TMEM74: variants seen among roughly 807,000 people sequenced by gnomAD.
TMEM74 encodes the protein transmembrane protein 74.
Under a neutral mutation model 18.1 loss-of-function variants are expected in TMEM74, and 13 were observed. That is an observed-to-expected ratio of 0.72 (90% CI 0.47 to 1.14). The LOEUF is 1.14. Among genes scored for constraint, TMEM74 ranks in the 50% most tolerant of loss-of-function variants. The probability of loss-of-function intolerance (pLI) is 0.00; values close to 1 mark genes in which losing one functional copy is unlikely to be tolerated. For missense variants in TMEM74, 372 were observed against 375.9 expected, an observed-to-expected ratio of 0.99 and a Z score of 0.09; for synonymous variants, 159 against 146.6, an observed-to-expected ratio of 1.08 and a Z score of -0.61.
At chr8:108,713,998 G>GACAGATCA (rs1303469786) in intron 1 of TMEM74, among the ~76,000 whole-genome samples, 4 of 152,234 alleles carry the variant, frequency 2.6e-5, no homozygotes, top group East Asian at 3.9e-4. Context: ...AGCTGCAGCA[G>GACAGATCA]ACAGATCAAC....
chr8:108,695,812 A>T (rs1350510880), intron 1 of TMEM74, among the ~76,000 whole-genome samples: 1 of 152,130 alleles, frequency 6.6e-6, no homozygotes, highest in African/African-American at 2.4e-5. Flanking sequence ...TATATAGATG[A>T]CCCAGCTGTG....
intron 2 of TMEM74, among the ~76,000 whole-genome samples, chr8:108,624,204 T>C (rs1812471168): frequency 6.6e-6 from 1 of 152,100 alleles, no homozygotes; most frequent in Admixed American, 6.6e-5. Flanking sequence ...TGTCTGTGTA[T>C]GTAAGGGAAC....
intron 2 of TMEM74, among the ~76,000 whole-genome samples, chr8:108,641,055 A>T (rs185609440): frequency 6.6e-6 from 1 of 152,254 alleles, no homozygotes; most frequent in Admixed American, 6.5e-5. Flanking sequence ...AAACAATCAA[A>T]GCCTGGTTAT....
At chr8:108,631,722 A>G (rs949827582) in intron 2 of TMEM74, among the ~76,000 whole-genome samples, 5 of 151,882 alleles carry the variant, frequency 3.3e-5, no homozygotes, top group Non-Finnish European at 7.4e-5. Flanking sequence ...TTAGGTTCCC[A>G]TTTGTCAACT....
rs1812895279 is a variant in TMEM74, at chr8:108,661,073, GA to G, written n.120-5637del. ...CTCATATGGTTAAATTTAGGGACCT[GA>G]AAAAAATTCCACCTAACCATCTCCT... is the stretch of plus-strand genomic sequence containing the variant. On this transcript the variant is annotated intron_variant and non_coding_transcript_variant, in intron 1 of 3. Coordinates refer to the TMEM74 transcript ENST00000518838. Among the ~76,000 whole-genome samples the G allele has an allele frequency of 3.3e-5, 5 of 151,982 alleles. No homozygotes were observed. In the South Asian group the frequency reaches 8.3e-4, roughly 25 times the overall value.
At chr8:108,705,632 G>T (rs1813389435) in intron 1 of TMEM74, among the ~76,000 whole-genome samples, 1 of 152,120 alleles carries the variant, frequency 6.6e-6, no homozygotes, top group African/African-American at 2.4e-5. Context: ...TCAAGCAGAT[G>T]TAGATGCCCT....
chr8:108,691,934 A>G (rs1320399060), intron 1 of TMEM74, among the ~76,000 whole-genome samples: 6 of 152,072 alleles, frequency 3.9e-5, no homozygotes, highest in Non-Finnish European at 7.4e-5. Context: ...TTTTTTTAAA[A>G]CTCTCAAGTG....
chr8:108,641,552 T>C (rs1812664998), intron 2 of TMEM74, among the ~76,000 whole-genome samples: 1 of 152,112 alleles, frequency 6.6e-6, no homozygotes, highest in Non-Finnish European at 1.5e-5. Flanking sequence ...GCTCCCACCA[T>C]GTTAACTCAC....
chr8:108,623,020 A>G (rs542331161), intron 2 of TMEM74, among the ~76,000 whole-genome samples: 2 of 152,220 alleles, frequency 1.3e-5, no homozygotes, highest in East Asian at 1.9e-4. Flanking sequence ...CAGAAAAACT[A>G]TGGTGGTGTG....
chr8:108,613,381 A>C (rs1407927679), intron 2 of TMEM74, among the ~76,000 whole-genome samples: 1 of 152,210 alleles, frequency 6.6e-6, no homozygotes, highest in East Asian at 1.9e-4. Flanking sequence ...GAAGCTCCCC[A>C]TGTGTGCCCA....
chr8:108,675,815 A>G (rs113758883), intron 1 of TMEM74, among the ~76,000 whole-genome samples: 1 of 152,380 alleles, frequency 6.6e-6, no homozygotes, highest in South Asian at 2.1e-4. Context: ...AGTGCTATCC[A>G]CAGTTACTAA....
At chr8:108,769,968 C>G (rs1316382594) in intron 1 of TMEM74, among the ~76,000 whole-genome samples, 3 of 150,046 alleles carry the variant, frequency 2.0e-5, no homozygotes, top group Non-Finnish European at 4.4e-5. Flanking sequence ...TTTTTTAAAC[C>G]TGGTATTACA....
At position 108,653,003 on chromosome 8, in the gene TMEM74, G is replaced by A. The variant is rs561950837; in HGVS notation, n.264+2290C>T. The A allele has an allele frequency of 4.7e-5, 10 of 214,342 alleles. No individual in the cohort carries two copies. In the East Asian group the frequency reaches 5.6e-4, roughly 12 times the overall value. 13.3% of individuals were successfully genotyped at this position (214,342 alleles called of 1,614,324 possible). ...TTCCTCTGGAAAGCCTTGTGTTCCC[G>A]ACTCCTAACTTAGAATACACTCTTG... On this transcript the variant is annotated intron_variant and non_coding_transcript_variant, in intron 2 of 3. Coordinates refer to the TMEM74 transcript ENST00000518838.
chr8:108,733,367 G>A (rs1473849029), intron 1 of TMEM74, among the ~76,000 whole-genome samples: 4 of 152,106 alleles, frequency 2.6e-5, no homozygotes, highest in African/African-American at 9.7e-5. Flanking sequence ...TCAAAAACAC[G>A]ATGTTGAGTA....
intron 1 of TMEM74, among the ~76,000 whole-genome samples, chr8:108,745,444 T>G (rs1451008495): frequency 6.6e-6 from 1 of 152,194 alleles, no homozygotes; most frequent in Admixed American, 6.5e-5. Flanking sequence ...AAGCTATTTT[T>G]TCTCTTGATT....
chr8:108,731,953 A>AT (rs1320072783), intron 1 of TMEM74, among the ~76,000 whole-genome samples: 3 of 151,636 alleles, frequency 2.0e-5, no homozygotes, highest in South Asian at 2.1e-4. Flanking sequence ...AAGTCAACTT[A>AT]TTTTTTTCAG....
intron 1 of TMEM74, among the ~76,000 whole-genome samples, chr8:108,713,715 T>C (rs1006137230): frequency 6.6e-6 from 1 of 152,150 alleles, no homozygotes; most frequent in Non-Finnish European, 1.5e-5. Context: ...AGGATATACA[T>C]GATATATGAG....
intron 1 of TMEM74, among the ~76,000 whole-genome samples, chr8:108,703,991 C>T (rs190970357): frequency 3.5e-4 from 54 of 152,250 alleles, no homozygotes; most frequent in Non-Finnish European, 5.4e-4. Context: ...AATGCTGCCC[C>T]CTTCTGGAAT....
intron 1 of TMEM74, among the ~76,000 whole-genome samples, chr8:108,733,247 C>T (rs1179647923): frequency 6.6e-6 from 1 of 152,074 alleles, no homozygotes; most frequent in East Asian, 1.9e-4. Context: ...TGGAACAACC[C>T]AAGGTATCTA....
Sources: allele counts gnomAD v4.1 joint callset (sites outside exome capture counted in the v4.1 genomes callset), GRCh38; gene constraint gnomAD v4.1.1; transcripts MANE v1.5; gene names NCBI Gene and HGNC (gene_info 2026-07-23, HGNC 2026-07-21).